The following ASAP1 variants were observed in gnomAD, a reference collection of about 807,000 sequenced individuals.
The protein encoded by ASAP1 is arf-GAP with SH3 domain, ANK repeat and PH domain-containing protein 1.
A neutral mutation model predicts 145.2 loss-of-function variants in ASAP1; 43 were observed. The ratio of observed to expected loss-of-function variants is 0.30; its 90% confidence interval spans 0.23 to 0.38. The LOEUF (loss-of-function observed/expected upper bound fraction) is 0.38. ASAP1 is among the 10% of genes least tolerant of loss of function. ASAP1 has a pLI of 1.00. For missense variants in ASAP1, 1,018 were observed against 1,355.3 expected, an observed-to-expected ratio of 0.75 and a Z score of 3.91; for synonymous variants, 546 against 515.5, an observed-to-expected ratio of 1.06 and a Z score of -0.80.
At chr8:130,078,650 A>G (rs899130009) in intron 26 of ASAP1, among the ~76,000 whole-genome samples, 4 of 152,154 alleles carry the variant, frequency 2.6e-5, no homozygotes, top group African/African-American at 7.2e-5. Flanking sequence ...AAAGAACACC[A>G]GAACTTTAGT....
intron 5 of ASAP1, among the ~76,000 whole-genome samples, chr8:130,203,929 C>T (rs1200020878): frequency 6.6e-6 from 1 of 152,144 alleles, no homozygotes; most frequent in African/African-American, 2.4e-5. Context: ...TAAATCAATA[C>T]AACTTTTAAC....
intron 3 of ASAP1, among the ~76,000 whole-genome samples, chr8:130,355,394 C>T (rs1432887527): frequency 6.6e-6 from 1 of 152,148 alleles, no homozygotes; most frequent in African/African-American, 2.4e-5. Context: ...AAAAAAAGGT[C>T]ATCAACAGGA....
At chr8:130,410,707 C>T (rs35123370) in intron 1 of ASAP1, among the ~76,000 whole-genome samples, 51,277 of 152,110 alleles carry the variant, frequency 0.34, 9,381 homozygotes, top group African/African-American at 0.46. Flanking sequence ...GGGCAGCTGC[C>T]CCCTCATGCT....
At chr8:130,060,469 C>T in intron 28 of ASAP1, 110 bp downstream of exon 28, 1 of 1,398,774 alleles carries the variant, frequency 7.1e-7, no homozygotes, top group East Asian at 2.3e-5. Context: ...ACATAAGGGT[C>T]AGGTGAGCAA....
chr8:130,295,408 C>T (rs1822207146), intron 3 of ASAP1, among the ~76,000 whole-genome samples: 1 of 151,864 alleles, frequency 6.6e-6, no homozygotes, highest in African/African-American at 2.4e-5. Flanking sequence ...AGCAGTAGTT[C>T]CTGAATCAAG....
chr8:130,079,941 T>C lies in ASAP1; in HGVS notation c.2603A>G (p.Lys868Arg). 6.2e-7 allele frequency: 1 copy of C among 1,614,166 alleles called. No homozygotes were observed. The highest frequency in any genetic ancestry group is 8.5e-7 in the Non-Finnish European group (1 of 1,179,996). The change falls in exon 26 of 30, where the codon AAG becomes AGG. Residue 868 changes from lysine to arginine, a missense_variant. Transcript: ENST00000518721. ...TAGTCCCTCAAACTTGTTTGTAGTCTTACTTGAAGAGGATGGACCCCCATC... is the reference window on the plus strand; with the variant it reads ...TAGTCCCTCAAACTTGTTTGTAGTCCTACTTGAAGAGGATGGACCCCCATC... ...GNDGGPSSSSKTTNKFEGLSQ... is the reference protein window; with the variant it reads ...GNDGGPSSSSRTTNKFEGLSQ...
intron 2 of ASAP1, among the ~76,000 whole-genome samples, chr8:130,368,672 T>C (rs1368905433): frequency 6.6e-6 from 1 of 152,238 alleles, no homozygotes; most frequent in Non-Finnish European, 1.5e-5. Flanking sequence ...AATATGCCTT[T>C]TCTCTCTAAG....
chr8:130,271,483 T>C (rs1206952173), intron 3 of ASAP1, among the ~76,000 whole-genome samples: 3 of 152,094 alleles, frequency 2.0e-5, no homozygotes, highest in Non-Finnish European at 4.4e-5. Context: ...AAAAGGAGAG[T>C]AGGAAGTCAA....
In ASAP1 at chr8:130,263,754, T is replaced by C. The variant is rs561477572; in HGVS notation, c.187-26760A>G. Among the ~76,000 whole-genome samples the C allele has an allele frequency of 2.6e-4, 39 of 152,364 alleles. No individual in the cohort carries two copies. The South Asian group carries it at 4.4e-3, about 17-fold the overall frequency. On this transcript the variant is annotated intron_variant, in intron 3 of 29. Coordinates refer to ENST00000518721, the MANE Select transcript of ASAP1 (RefSeq NM_018482.4). ...TCTACATCCTAGGGCTTATTCACCA[T>C]GCTATATGCATTCCACAATAACAAC...
intron 5 of ASAP1, among the ~76,000 whole-genome samples, chr8:130,204,048 A>ACGAAC (rs1816041668): frequency 6.6e-6 from 1 of 152,186 alleles, no homozygotes; most frequent in Non-Finnish European, 1.5e-5. Flanking sequence ...TCCCCAGGCC[A>ACGAAC]CGAACCGGTA....
chr8:130,289,729 C>T (rs1821837396), intron 3 of ASAP1, among the ~76,000 whole-genome samples: 1 of 152,180 alleles, frequency 6.6e-6, no homozygotes, highest in South Asian at 2.1e-4. Context: ...TTACTTGTAT[C>T]CACAATCCTT....
chr8:130,435,672 G>A (rs1038321894), intron 1 of ASAP1, among the ~76,000 whole-genome samples: 1 of 152,182 alleles, frequency 6.6e-6, no homozygotes, highest in Non-Finnish European at 1.5e-5. Flanking sequence ...GAGGAGAACT[G>A]AGACCCCTTT....
At chr8:130,153,842 G>A (rs2097652687) in intron 12 of ASAP1, among the ~76,000 whole-genome samples, 1 of 152,134 alleles carries the variant, frequency 6.6e-6, no homozygotes. Flanking sequence ...TCATATCTGT[G>A]AATCTTTCAT....
chr8:130,337,788 C>A lies in ASAP1; in HGVS notation c.186+20229G>T, dbSNP rs753843632. On this transcript the variant is annotated intron_variant, in intron 3 of 29. Transcript: ENST00000518721. ...AATCTCACCCATCCACCAAAACATT[C>A]TCTTAAGTCAGAACAGAGAAGAGGC... 2.8e-4 allele frequency among the ~76,000 whole-genome samples: 43 copies of A among 152,204 alleles called. 1 individual carries two copies. Among genetic ancestry groups the A allele is most frequent in the Non-Finnish European group, 5.3e-4 (36 of 68,040 alleles).
chr8:130,340,957 TTTG>T (rs1825343621), intron 3 of ASAP1: 1 of 429,052 alleles, frequency 2.3e-6, no homozygotes, highest in Non-Finnish European at 4.6e-6. Context: ...TTTTTTTGTT[TTTG>T]TTTTTGTTTT....
At chr8:130,075,810 T>G (rs1336549390) in intron 27 of ASAP1, among the ~76,000 whole-genome samples, 41 of 152,212 alleles carry the variant, frequency 2.7e-4, no homozygotes, top group Admixed American at 2.6e-3. Flanking sequence ...ACTGCTTTCT[T>G]GTACTTTGCA....
intron 3 of ASAP1, among the ~76,000 whole-genome samples, chr8:130,344,520 A>G (rs1367759870): frequency 6.6e-6 from 1 of 152,232 alleles, no homozygotes; most frequent in Non-Finnish European, 1.5e-5. Flanking sequence ...ACAATTGTTG[A>G]AACTGAATGA....
At chr8:130,155,661 G>C (rs772941355) in intron 12 of ASAP1, among the ~76,000 whole-genome samples, 2 of 152,178 alleles carry the variant, frequency 1.3e-5, no homozygotes, top group Non-Finnish European at 2.9e-5. Context: ...CCTGATCTTT[G>C]TGAACATTTT....
chr8:130,070,729 C>A (rs2097441328), intron 27 of ASAP1, among the ~76,000 whole-genome samples: 1 of 150,112 alleles, frequency 6.7e-6, no homozygotes, highest in African/African-American at 2.5e-5. Flanking sequence ...GAAGGCAGTG[C>A]CTAGAAGAGT....
Sources: gnomAD v4.1 joint callset for allele counts (sites outside exome capture counted in the v4.1 genomes callset) on GRCh38, gnomAD v4.1.1 for gene constraint, MANE v1.5 for transcripts, NCBI Gene and HGNC (gene_info 2026-07-23, HGNC 2026-07-21) for gene names.